LINGO2: variants seen among roughly 807,000 people sequenced by gnomAD.
LINGO2 encodes leucine rich repeat and Ig domain containing 2, also known as leucine-rich repeat and immunoglobulin-like domain-containing nogo receptor-interacting protein 2.
In LINGO2, 14 loss-of-function variants were observed where a neutral mutation model predicts 30.6. That is an observed-to-expected ratio of 0.46 (90% CI 0.30 to 0.72). LINGO2 has a LOEUF of 0.72. Among genes scored for constraint, LINGO2 ranks in the 30% least tolerant of loss-of-function variants. The probability of loss-of-function intolerance (pLI) is 0.07; values close to 1 mark genes in which losing one functional copy is unlikely to be tolerated. For missense variants in LINGO2, 729 were observed against 751.7 expected (o/e 0.97, Z 0.35); for synonymous variants, 317 against 288.5 (o/e 1.10, Z -1.00).
intron 4 of LINGO2, among the ~76,000 whole-genome samples, chr9:28,131,438 C>A (rs193098932): frequency 2.0e-5 from 3 of 152,092 alleles, no homozygotes; most frequent in African/African-American, 7.2e-5. Context: ...AACTTAATCT[C>A]TTTTAACAGT....
intron 2 of LINGO2, among the ~76,000 whole-genome samples, chr9:28,440,041 T>C (rs1824128698): frequency 6.6e-6 from 1 of 152,204 alleles, no homozygotes; most frequent in Non-Finnish European, 1.5e-5. Context: ...CACCCTGGCA[T>C]AACAGAGCCC....
intron 4 of LINGO2, among the ~76,000 whole-genome samples, chr9:28,096,074 A>C (rs1022323458): frequency 6.6e-6 from 1 of 152,132 alleles, no homozygotes; most frequent in African/African-American, 2.4e-5. Context: ...CCAGAGGTTC[A>C]AGGCTGTAGT....
chr9:28,572,441 C>T (rs1823741183), intron 1 of LINGO2, among the ~76,000 whole-genome samples: 1 of 152,052 alleles, frequency 6.6e-6, no homozygotes, highest in Admixed American at 6.6e-5. Flanking sequence ...AGGGTCACAC[C>T]ACTTGAGAAC....
At position 28,468,783 on chromosome 9, in the gene LINGO2, T is replaced by C. The variant is rs142462778; in HGVS notation, c.-279+7157A>G. 7.4e-4 allele frequency among the ~76,000 whole-genome samples: 112 copies of C among 152,330 alleles called. 1 individual carries two copies. Among genetic ancestry groups the C allele is most frequent in the African/African-American group, 2.6e-3 (109 of 41,572 alleles). On this transcript the variant is annotated intron_variant, in intron 2 of 5. Transcript: ENST00000379992. ...TCAGAAAAGGTCTCAGAGGACTTTA[T>C]GTGTTCATATTACATTGATTAGTAA...
Position 28,068,390 on chromosome 9 carries a change from C to T in LINGO2, c.-86-55985G>A, listed in dbSNP as rs115764724. On this transcript the variant is annotated intron_variant, in intron 4 of 5. Coordinates refer to ENST00000379992, the Ensembl canonical transcript of LINGO2. The stretch of plus-strand genomic sequence containing the variant: ...CACATGGGGAGAGAAAATGAGCAAG[C>T]TCTCTGGAGTTTTATTTTTATAGGG... Among the ~76,000 whole-genome samples, 899 of 152,180 alleles carry T rather than the reference C, an allele frequency of 5.9e-3. 7 individuals are homozygous for T. Among genetic ancestry groups the T allele is most frequent in the African/African-American group, 0.02 (844 of 41,534 alleles).
chr9:27,983,666 C>G (rs1261484084), intron 5 of LINGO2, among the ~76,000 whole-genome samples: 2 of 151,794 alleles, frequency 1.3e-5, no homozygotes, highest in Admixed American at 1.3e-4. Context: ...GGTAAAATCA[C>G]CATTCAAAGT....
At chr9:28,771,464 T>G in the LINGO2 span, among the ~76,000 whole-genome samples, 3 of 78,688 alleles carry the variant, frequency 3.8e-5, no homozygotes, top group Admixed American at 1.2e-4. Context: ...TGTGTGTGTG[T>G]GTGTGTGTGT....
intron 4 of LINGO2, among the ~76,000 whole-genome samples, chr9:28,026,158 TTC>T (rs1239110651): frequency 1.3e-4 from 20 of 152,312 alleles, no homozygotes; most frequent in African/African-American, 4.6e-4. Flanking sequence ...TCCCAGGAAC[TTC>T]TGTTTATTCT....
intron 1 of LINGO2, among the ~76,000 whole-genome samples, chr9:28,534,960 A>G (rs1821369665): frequency 6.6e-6 from 1 of 152,148 alleles, no homozygotes; most frequent in African/African-American, 2.4e-5. Flanking sequence ...ATGTATATAC[A>G]TACACACACT....
At chr9:28,717,526 C>T in the LINGO2 span, among the ~76,000 whole-genome samples, 11 of 151,860 alleles carry the variant, frequency 7.2e-5, no homozygotes, top group African/African-American at 2.2e-4. Context: ...AAGACTAAAA[C>T]TCTAAGGAGA....
intron 5 of LINGO2, among the ~76,000 whole-genome samples, chr9:27,989,366 C>T (rs542682227): frequency 6.6e-6 from 1 of 151,862 alleles, no homozygotes; most frequent in Non-Finnish European, 1.5e-5. Flanking sequence ...GGATTTTATC[C>T]TACCTATTGC....
chr9:28,043,099 G>A (rs1043164999), intron 4 of LINGO2, among the ~76,000 whole-genome samples: 1 of 152,236 alleles, frequency 6.6e-6, no homozygotes, highest in African/African-American at 2.4e-5. Context: ...TGGTGTTAAT[G>A]AGACACTCTG....
the LINGO2 span, among the ~76,000 whole-genome samples, chr9:28,873,881 A>T: frequency 6.6e-6 from 1 of 151,902 alleles, no homozygotes; most frequent in Non-Finnish European, 1.5e-5. Context: ...TAAAATAAAA[A>T]AATATATATA....
At chr9:29,163,795 A>G in the LINGO2 span, among the ~76,000 whole-genome samples, 3 of 152,252 alleles carry the variant, frequency 2.0e-5, no homozygotes, top group South Asian at 4.1e-4. Flanking sequence ...AAAACTTAAA[A>G]TAATAGATTT....
At chr9:29,101,965 A>AT in the LINGO2 span, among the ~76,000 whole-genome samples, 2 of 152,060 alleles carry the variant, frequency 1.3e-5, no homozygotes, top group East Asian at 3.9e-4. Flanking sequence ...TATCAAAAAT[A>AT]TTTTTTGGTT....
intron 1 of LINGO2, among the ~76,000 whole-genome samples, chr9:28,658,623 A>T (rs1311376524): frequency 6.6e-6 from 1 of 152,072 alleles, no homozygotes; most frequent in East Asian, 1.9e-4. Flanking sequence ...ATGTCCTTAG[A>T]ACTAAAGTGT....
At chr9:28,033,851 T>C (rs755948320) in intron 4 of LINGO2, among the ~76,000 whole-genome samples, 3 of 152,226 alleles carry the variant, frequency 2.0e-5, no homozygotes, top group Non-Finnish European at 4.4e-5. Flanking sequence ...TATAGTTCAC[T>C]TGAAGGACAT....
chr9:28,508,502 T>C (rs1379353342), intron 1 of LINGO2, among the ~76,000 whole-genome samples: 1 of 152,088 alleles, frequency 6.6e-6, no homozygotes, highest in African/African-American at 2.4e-5. Flanking sequence ...CCCTTTGTAC[T>C]CTCATTTTTG....
the LINGO2 span, among the ~76,000 whole-genome samples, chr9:28,755,894 C>G: frequency 1.3e-5 from 2 of 152,044 alleles, no homozygotes; most frequent in South Asian, 4.1e-4. Context: ...TGACAATCAT[C>G]TTCTAAGTCA....
Sources: gnomAD v4.1 joint callset for allele counts (sites outside exome capture counted in the v4.1 genomes callset) on GRCh38, gnomAD v4.1.1 for gene constraint, MANE v1.5 for transcripts, NCBI Gene and HGNC (gene_info 2026-07-23, HGNC 2026-07-21) for gene names.